The following NDST4 variants were observed in gnomAD, a reference collection of about 807,000 sequenced individuals.
The protein encoded by NDST4 is N-heparan sulfate sulfotransferase 4.
A neutral mutation model predicts 100.8 loss-of-function variants in NDST4; 63 were observed. That is an observed-to-expected ratio of 0.62 (90% CI 0.51 to 0.77). The LOEUF (loss-of-function observed/expected upper bound fraction) is 0.77. Among genes scored for constraint, NDST4 ranks in the 30% least tolerant of loss-of-function variants. The pLI, the probability that NDST4 is intolerant of heterozygous loss-of-function variation, is 0.00. For missense variants in NDST4, 943 were observed against 1,018.4 expected (o/e 0.93, Z 1.01); for synonymous variants, 377 against 361.8 (o/e 1.04, Z -0.48).
intron 8 of NDST4, among the ~76,000 whole-genome samples, chr4:114,850,433 G>A (rs879586690): frequency 1.3e-5 from 2 of 152,080 alleles, no homozygotes; most frequent in African/African-American, 4.8e-5. Flanking sequence ...CAGAAAAAAT[G>A]TGGCTTGATA....
Position 114,986,832 on chromosome 4 carries a change from A to ATATATATATTTTTT in NDST4, c.979-9559_979-9558insAAAAAATATATATA. Among the ~76,000 whole-genome samples, 246 of 94,616 alleles carry ATATATATATTTTTT rather than the reference A, an allele frequency of 2.6e-3. 10 individuals carry two copies. Among genetic ancestry groups the ATATATATATTTTTT allele is most frequent in the Middle Eastern group, 0.016 (2 of 126 alleles). 62.1% of individuals were successfully genotyped at this position (94,616 alleles called of 152,430 possible). ...TATATATATATATATATATATATATATTTTAATATACTATTCCTATAAGCT... is the reference window on the plus strand; with the variant it reads ...TATATATATATATATATATATATATATATATATATTTTTTTTTTAATATACTATTCCTATAAGCT... On this transcript the variant is annotated intron_variant, in intron 2 of 13. Coordinates refer to ENST00000264363, the MANE Select transcript of NDST4 (RefSeq NM_022569.3).
intron 2 of NDST4, among the ~76,000 whole-genome samples, chr4:115,022,396 A>G (rs1244019518): frequency 1.6e-5 from 2 of 121,922 alleles, no homozygotes; most frequent in South Asian, 2.6e-4. Flanking sequence ...TTCCATATAT[A>G]TGTGTTCCAT....
intron 1 of NDST4, among the ~76,000 whole-genome samples, chr4:115,099,857 A>G (rs544582868): frequency 6.6e-6 from 1 of 152,152 alleles, no homozygotes; most frequent in Non-Finnish European, 1.5e-5. Flanking sequence ...AAATTTGCAC[A>G]CAGATGTTTT....
chr4:115,054,507 T>G (rs998438330), intron 2 of NDST4, among the ~76,000 whole-genome samples: 3 of 152,176 alleles, frequency 2.0e-5, no homozygotes, highest in Non-Finnish European at 4.4e-5. Flanking sequence ...AAAAGTGCAA[T>G]GCTTATGTTA....
intron 3 of NDST4, among the ~76,000 whole-genome samples, chr4:114,976,065 G>GA (rs1310916711): frequency 1.3e-5 from 2 of 150,940 alleles, no homozygotes; most frequent in Non-Finnish European, 3.0e-5. Flanking sequence ...CAAAGCAGGA[G>GA]AAAAAAAAGC....
intron 6 of NDST4, among the ~76,000 whole-genome samples, chr4:114,884,879 G>T (rs932018590): frequency 6.6e-6 from 1 of 152,028 alleles, no homozygotes; most frequent in Non-Finnish European, 1.5e-5. Flanking sequence ...TTTGATTAAA[G>T]TAAACCAGGC....
At chr4:114,919,286 T>C (rs1725240990) in intron 6 of NDST4, among the ~76,000 whole-genome samples, 1 of 152,036 alleles carries the variant, frequency 6.6e-6, no homozygotes, top group Non-Finnish European at 1.5e-5. Context: ...GGAATGAAAG[T>C]AGGGAAGGGA....
At chr4:114,988,602 C>T (rs1237227347) in intron 2 of NDST4, among the ~76,000 whole-genome samples, 1 of 151,676 alleles carries the variant, frequency 6.6e-6, no homozygotes, top group East Asian at 1.9e-4. Flanking sequence ...ACCTTGTGAT[C>T]CACCCACCTT....
At chr4:114,995,821 A>G (rs1001448720) in intron 2 of NDST4, among the ~76,000 whole-genome samples, 4 of 152,094 alleles carry the variant, frequency 2.6e-5, no homozygotes, top group African/African-American at 7.2e-5. Context: ...TTTAAAGTAG[A>G]AACTTGGGTT....
intron 1 of NDST4, among the ~76,000 whole-genome samples, chr4:115,105,981 C>A (rs1339067520): frequency 6.6e-6 from 1 of 151,926 alleles, no homozygotes; most frequent in Non-Finnish European, 1.5e-5. Flanking sequence ...TTTATCAAAC[C>A]CTTAGTATCT....
chr4:114,971,104 AT>A (rs143953876), intron 3 of NDST4, among the ~76,000 whole-genome samples: 7,028 of 152,168 alleles, frequency 0.046, 189 homozygotes, highest in Non-Finnish European at 0.066. Context: ...CAGTAAAAAC[AT>A]TTTTGTATTA....
At chr4:114,934,383 C>T (rs181615150) in intron 6 of NDST4, among the ~76,000 whole-genome samples, 6 of 151,926 alleles carry the variant, frequency 3.9e-5, no homozygotes, top group African/African-American at 1.4e-4. Flanking sequence ...AACCCTGTCT[C>T]TTCTAAAAAT....
At chr4:115,063,035 C>T (rs1174019365) in intron 2 of NDST4, among the ~76,000 whole-genome samples, 2 of 151,880 alleles carry the variant, frequency 1.3e-5, no homozygotes, top group Admixed American at 1.3e-4. Context: ...ACTTGAAATT[C>T]AGGATATGTG....
intron 6 of NDST4, among the ~76,000 whole-genome samples, chr4:114,898,219 T>C (rs1455435784): frequency 3.3e-5 from 5 of 152,318 alleles, no homozygotes; most frequent in Admixed American, 1.3e-4. Context: ...TGATCTATTT[T>C]GGGTTAATTT....
chr4:114,869,517 T>C (rs946188145), intron 7 of NDST4, among the ~76,000 whole-genome samples: 5 of 152,128 alleles, frequency 3.3e-5, no homozygotes, highest in African/African-American at 1.2e-4. Context: ...CTTTATACAA[T>C]TGTATTTTGT....
At chr4:115,083,941 G>T (rs922609463) in intron 1 of NDST4, among the ~76,000 whole-genome samples, 7 of 152,090 alleles carry the variant, frequency 4.6e-5, no homozygotes, top group East Asian at 1.9e-4. Context: ...CACTAAGCAA[G>T]TACCTCAGAG....
chr4:114,943,352 T>C (rs72910641), intron 4 of NDST4, among the ~76,000 whole-genome samples: 3 of 151,704 alleles, frequency 2.0e-5, no homozygotes, highest in Admixed American at 6.6e-5. Flanking sequence ...AACTTAATTA[T>C]GTAATTCACC....
intron 1 of NDST4, among the ~76,000 whole-genome samples, chr4:115,078,368 T>A (rs1306016435): frequency 6.6e-6 from 1 of 152,134 alleles, no homozygotes; most frequent in Non-Finnish European, 1.5e-5. Context: ...AGACTGGTTT[T>A]AAATGGTAGT....
intron 6 of NDST4, among the ~76,000 whole-genome samples, chr4:114,909,495 C>A (rs1439209224): frequency 6.7e-6 from 1 of 149,838 alleles, no homozygotes; most frequent in Admixed American, 6.6e-5. Context: ...CCCGTCTCTA[C>A]TAAAAATACA....
Sources: gnomAD v4.1 joint callset for allele counts (sites outside exome capture counted in the v4.1 genomes callset) on GRCh38, gnomAD v4.1.1 for gene constraint, MANE v1.5 for transcripts, NCBI Gene and HGNC (gene_info 2026-07-23, HGNC 2026-07-21) for gene names.